FIP1L1: variants seen among roughly 807,000 people sequenced by gnomAD.
FIP1L1 encodes the protein pre-mRNA 3'-end-processing factor FIP1.
FIP1L1 carries 21 observed loss-of-function variants against 84.6 expected under a neutral mutation model. The observed-to-expected ratio is 0.25, with a 90% CI of 0.18 to 0.36. The LOEUF (loss-of-function observed/expected upper bound fraction) is 0.36. FIP1L1 is among the 10% of genes least tolerant of loss of function. The pLI is 1.00. For synonymous variants in FIP1L1, 263 were observed against 242.3 expected (o/e 1.09, Z -0.80); for missense variants, 526 against 751.1 (o/e 0.70, Z 3.50).
At chr4:53,382,760 T>C (rs1410828351) in intron 4 of FIP1L1, among the ~76,000 whole-genome samples, 1 of 152,268 alleles carries the variant, frequency 6.6e-6, no homozygotes, top group East Asian at 1.9e-4. Flanking sequence ...TCATTGGTCC[T>C]ATGAATATTT....
At chr4:53,419,984 G>A (rs1282052209) in intron 11 of FIP1L1, among the ~76,000 whole-genome samples, 1 of 151,844 alleles carries the variant, frequency 6.6e-6, no homozygotes, top group African/African-American at 2.4e-5. Context: ...CGAGGCGGGT[G>A]GATCACGAGG....
chr4:53,391,319 C>G, intron 8 of FIP1L1, 111 bp from the exon 9 acceptor site: 1 of 1,156,668 alleles, frequency 8.6e-7, no homozygotes, highest in Non-Finnish European at 1.3e-6. Context: ...TAATGATTAT[C>G]TGATGTTCTT....
chr4:53,409,090 G>A (rs1355393477), intron 10 of FIP1L1, among the ~76,000 whole-genome samples: 1 of 152,140 alleles, frequency 6.6e-6, no homozygotes, highest in Non-Finnish European at 1.5e-5. Context: ...AGAGTTTCGA[G>A]TTTTTCTGCT....
chr4:53,411,189 G>C (rs1313461752), intron 10 of FIP1L1, among the ~76,000 whole-genome samples: 1 of 152,158 alleles, frequency 6.6e-6, no homozygotes, highest in Non-Finnish European at 1.5e-5. Context: ...TTTACTTGAG[G>C]GAGTTATTGT....
intron 13 of FIP1L1, among the ~76,000 whole-genome samples, chr4:53,429,431 A>G (rs1331284608): frequency 6.6e-6 from 1 of 152,166 alleles, no homozygotes; most frequent in Admixed American, 6.5e-5. Flanking sequence ...TATTAACCAA[A>G]TGAAAGAGGA....
chr4:53,405,248 C>G (rs1219677061), intron 10 of FIP1L1, among the ~76,000 whole-genome samples: 1 of 151,946 alleles, frequency 6.6e-6, no homozygotes, highest in Non-Finnish European at 1.5e-5. Context: ...TTTCCCAGCA[C>G]CATTTATTAA....
chr4:53,447,402 G>C (rs1410438245), intron 15 of FIP1L1, among the ~76,000 whole-genome samples: 5 of 151,976 alleles, frequency 3.3e-5, no homozygotes. Context: ...GAGAATATTA[G>C]TGCGTCTTTC....
At chr4:53,407,495 G>A (rs1754313333) in intron 10 of FIP1L1, among the ~76,000 whole-genome samples, 2 of 152,036 alleles carry the variant, frequency 1.3e-5, no homozygotes, top group Admixed American at 6.6e-5. Context: ...TGTTGATTTG[G>A]GGTGGAGAGT....
chr4:53,393,679 T>C (rs1745527314), intron 9 of FIP1L1, among the ~76,000 whole-genome samples: 1 of 151,426 alleles, frequency 6.6e-6, no homozygotes. Flanking sequence ...ATAGATAACA[T>C]GTATGTATGA....
At chr4:53,426,137 A>G (rs1483621607) in intron 12 of FIP1L1, among the ~76,000 whole-genome samples, 172 bp downstream of exon 12, 3 of 152,130 alleles carry the variant, frequency 2.0e-5, no homozygotes, top group Admixed American at 1.3e-4. Context: ...TAGAATTTAT[A>G]ATCTCTGAAT....
At chr4:53,428,598 T>G (rs920290290) in intron 13 of FIP1L1, among the ~76,000 whole-genome samples, 1 of 100,166 alleles carries the variant, frequency 1.0e-5, no homozygotes, top group African/African-American at 2.8e-5. Flanking sequence ...CAGTCTGGTC[T>G]TCTTCTGTAT....
chr4:53,386,525 C>G (rs977081975), intron 5 of FIP1L1, among the ~76,000 whole-genome samples: 1 of 152,060 alleles, frequency 6.6e-6, no homozygotes, highest in Non-Finnish European at 1.5e-5. Context: ...CAAAGTGATT[C>G]GAAAGGTTTG....
At position 53,377,919 on chromosome 4, in the gene FIP1L1, T is replaced by C. The variant is rs756853779; in HGVS notation, c.81T>C (p.Tyr27=). The change falls in exon 1 of 18, where the codon TAT becomes TAC. Residue 27 remains tyrosine, a synonymous_variant. Coordinates refer to ENST00000337488, the MANE Select transcript of FIP1L1 (RefSeq NM_030917.4). The part of the protein sequence containing the change: ...TGGDEEEEWL[Y]GGPWDVHVHS... ...GGGATGAGGAGGAAGAGTGGCTCTA[T>C]GGCGGTACGAAACTTCCTGTCTCTG... The C allele has an allele frequency of 1.0e-5, 16 of 1,593,714 alleles. No individual in the cohort carries two copies. Among genetic ancestry groups the C allele is most frequent in the Admixed American group, 1.7e-5 (1 of 57,596 alleles).
At chr4:53,449,184 G>A (rs1435149093) in intron 15 of FIP1L1, among the ~76,000 whole-genome samples, 1 of 151,772 alleles carries the variant, frequency 6.6e-6, no homozygotes, top group East Asian at 1.9e-4. Context: ...TTATAATGTC[G>A]AAGTACTCAA....
chr4:53,413,068 T>A (rs1757895095), intron 10 of FIP1L1, among the ~76,000 whole-genome samples: 1 of 152,166 alleles, frequency 6.6e-6, no homozygotes, highest in African/African-American at 2.4e-5. Context: ...AAACCGTATG[T>A]ATGATTTATA....
intron 13 of FIP1L1, among the ~76,000 whole-genome samples, chr4:53,429,706 A>G (rs1578831629): frequency 6.6e-6 from 1 of 152,132 alleles, no homozygotes; most frequent in South Asian, 2.1e-4. Context: ...TAATACTTGT[A>G]TATGTTTATG....
At chr4:53,456,990 TTAAC>T (rs1306776231) in intron 16 of FIP1L1, among the ~76,000 whole-genome samples, 3 of 152,124 alleles carry the variant, frequency 2.0e-5, no homozygotes, top group African/African-American at 7.2e-5. Flanking sequence ...TTGAGAGAAG[TTAAC>T]TATATTTATT....
intron 13 of FIP1L1, chr4:53,441,010 G>C (rs190895060): frequency 5.9e-6 from 1 of 170,612 alleles, no homozygotes; most frequent in African/African-American, 2.4e-5. Flanking sequence ...AGTCCTGCTG[G>C]CTTAGTATCG....
At chr4:53,429,708 A>G (rs1765748354) in intron 13 of FIP1L1, among the ~76,000 whole-genome samples, 1 of 152,102 alleles carries the variant, frequency 6.6e-6, no homozygotes, top group East Asian at 1.9e-4. Flanking sequence ...ATACTTGTAT[A>G]TGTTTATGGG....
Sources: allele counts gnomAD v4.1 joint callset (sites outside exome capture counted in the v4.1 genomes callset), GRCh38; gene constraint gnomAD v4.1.1; transcripts MANE v1.5; gene names NCBI Gene and HGNC (gene_info 2026-07-23, HGNC 2026-07-21).